The following DAB1 variants were observed in gnomAD, a reference collection of about 807,000 sequenced individuals.
DAB1 encodes disabled homolog 1.
In DAB1, 15 loss-of-function variants were observed where a neutral mutation model predicts 64.6. The observed-to-expected ratio is 0.23, with a 90% CI of 0.16 to 0.36. The LOEUF (loss-of-function observed/expected upper bound fraction) is 0.36, where lower values mean the gene tolerates loss of function less well. DAB1 is among the 10% of genes least tolerant of loss of function. The probability of loss-of-function intolerance (pLI) is 1.00; values close to 1 mark genes in which losing one functional copy is unlikely to be tolerated. For synonymous variants in DAB1, 235 were observed against 251.9 expected, an observed-to-expected ratio of 0.93 and a Z score of 0.64; for missense variants, 596 against 706.7, an observed-to-expected ratio of 0.84 and a Z score of 1.78.
intron 1 of DAB1, among the ~76,000 whole-genome samples, chr1:57,828,302 T>C (rs192000980): frequency 2.0e-5 from 3 of 152,340 alleles, no homozygotes; most frequent in Admixed American, 1.3e-4. Flanking sequence ...AAAACTTTTC[T>C]GAAGTTCTTA....
At chr1:57,663,051 T>A (rs1458478671) in intron 6 of DAB1, among the ~76,000 whole-genome samples, 1 of 152,132 alleles carries the variant, frequency 6.6e-6, no homozygotes, top group African/African-American at 2.4e-5. Flanking sequence ...GGGTAATTTA[T>A]AAAGAAAAGA....
At chr1:58,476,590 T>C (rs929256493) in intron 3 of DAB1, among the ~76,000 whole-genome samples, 1 of 152,072 alleles carries the variant, frequency 6.6e-6, no homozygotes, top group African/African-American at 2.4e-5. Flanking sequence ...CAGAGTTTTC[T>C]TCCCAGTAAT....
At chr1:58,231,815 T>C (rs576706904) in intron 4 of DAB1, among the ~76,000 whole-genome samples, 1 of 152,294 alleles carries the variant, frequency 6.6e-6, no homozygotes, top group East Asian at 1.9e-4. Flanking sequence ...GTCTCCAAAG[T>C]TCAAATTTAA....
chr1:57,102,332 G>A (rs3768176), intron 4 of DAB1, among the ~76,000 whole-genome samples: 3 of 151,950 alleles, frequency 2.0e-5, no homozygotes, highest in Non-Finnish European at 4.4e-5. Flanking sequence ...ATGATGGCTT[G>A]AGATAAGCTT....
chr1:57,661,694 C>T (rs908252259), intron 6 of DAB1, among the ~76,000 whole-genome samples: 1 of 152,134 alleles, frequency 6.6e-6, no homozygotes, highest in African/African-American at 2.4e-5. Flanking sequence ...CTCCCATACA[C>T]TTTAAATAAT....
intron 5 of DAB1, among the ~76,000 whole-genome samples, chr1:58,135,126 G>A (rs1653869015): frequency 6.6e-6 from 1 of 152,172 alleles, no homozygotes; most frequent in Non-Finnish European, 1.5e-5. Flanking sequence ...AGGGGCTGTT[G>A]TAAATCAAAA....
At chr1:57,071,489 A>C (rs770483243) in intron 6 of DAB1, 33 bp downstream of exon 6, 70 of 1,594,908 alleles carry the variant, frequency 4.4e-5, no homozygotes, top group Non-Finnish European at 5.5e-5. Context: ...TGAAGGCCCG[A>C]TCTCCAGCGC....
At chr1:57,123,805 G>T (rs912027008) in intron 4 of DAB1, among the ~76,000 whole-genome samples, 3 of 152,122 alleles carry the variant, frequency 2.0e-5, no homozygotes, top group African/African-American at 7.2e-5. Flanking sequence ...AAAGCAGCGT[G>T]TATAGTTTAA....
intron 3 of DAB1, among the ~76,000 whole-genome samples, chr1:58,481,699 T>C (rs200736507): frequency 9.1e-6 from 1 of 109,398 alleles, no homozygotes; most frequent in Non-Finnish European, 2.1e-5. Flanking sequence ...AATTCCCACA[T>C]GTCATGGGAG....
intron 4 of DAB1, among the ~76,000 whole-genome samples, chr1:58,318,508 C>T (rs1469893708): frequency 2.0e-5 from 3 of 152,248 alleles, no homozygotes; most frequent in South Asian, 2.1e-4. Flanking sequence ...CCCTCCGGGG[C>T]ATATTCAGGC....
At chr1:57,900,318 G>A (rs1488902886) in intron 5 of DAB1, among the ~76,000 whole-genome samples, 2 of 152,152 alleles carry the variant, frequency 1.3e-5, no homozygotes, top group Non-Finnish European at 2.9e-5. Context: ...GGGGGGTATT[G>A]GGTGGACCCA....
chr1:57,530,201 A>T (rs1436421778), intron 7 of DAB1, among the ~76,000 whole-genome samples: 1 of 152,186 alleles, frequency 6.6e-6, no homozygotes, highest in Non-Finnish European at 1.5e-5. Context: ...TTACTATTAA[A>T]ATTTACTTTC....
At chr1:57,656,673 G>A (rs1646322976) in intron 6 of DAB1, among the ~76,000 whole-genome samples, 1 of 152,150 alleles carries the variant, frequency 6.6e-6, no homozygotes, top group African/African-American at 2.4e-5. Context: ...GTTTTAATAA[G>A]CACTATGTTT....
intron 4 of DAB1, among the ~76,000 whole-genome samples, chr1:58,265,569 C>T (rs1239211567): frequency 6.6e-6 from 1 of 152,110 alleles, no homozygotes; most frequent in East Asian, 1.9e-4. Context: ...CTAATCAAAC[C>T]AGCAATTTTT....
chr1:58,133,061 C>G (rs998850013), intron 5 of DAB1, among the ~76,000 whole-genome samples: 20 of 152,170 alleles, frequency 1.3e-4, no homozygotes, highest in African/African-American at 4.1e-4. Flanking sequence ...TTCTTAAAAA[C>G]TGAATGTTTC....
rs539987607 is a variant in DAB1, at chr1:57,467,922, A to G, written n.626-176756T>C. Among the ~76,000 whole-genome samples, 6 of 152,284 alleles carry G rather than the reference A, an allele frequency of 3.9e-5. 1 individual carries two copies. In the South Asian group the frequency reaches 1.2e-3, roughly 32 times the overall value. On this transcript the variant is annotated intron_variant and non_coding_transcript_variant, in intron 7 of 20. Transcript: ENST00000485760. Reference sequence around the variant, plus strand: ...TTGTCTCATTCATTCATTCACTCATATTTATTGAGTTCCCACTATTTATTG... The same window carrying G: ...TTGTCTCATTCATTCATTCACTCATGTTTATTGAGTTCCCACTATTTATTG...
At chr1:57,587,350 G>A (rs143310456) in intron 7 of DAB1, among the ~76,000 whole-genome samples, 219 of 152,116 alleles carry the variant, frequency 1.4e-3, no homozygotes, top group African/African-American at 5.1e-3. Context: ...ACACCTAGAG[G>A]GTTTTCAAAG....
intron 4 of DAB1, among the ~76,000 whole-genome samples, chr1:57,087,084 G>T (rs1438378587): frequency 6.6e-6 from 1 of 152,300 alleles, no homozygotes; most frequent in South Asian, 2.1e-4. Context: ...AAGAACCCTG[G>T]GCACAGAGCT....
At chr1:58,425,545 C>A (rs1484878009) in intron 3 of DAB1, among the ~76,000 whole-genome samples, 1 of 152,046 alleles carries the variant, frequency 6.6e-6, no homozygotes, top group Non-Finnish European at 1.5e-5. Flanking sequence ...GTAACTAGAG[C>A]CTTTAGGGCA....
Sources: allele counts gnomAD v4.1 joint callset (sites outside exome capture counted in the v4.1 genomes callset), GRCh38; gene constraint gnomAD v4.1.1; transcripts MANE v1.5; gene names NCBI Gene and HGNC (gene_info 2026-07-23, HGNC 2026-07-21).